Variants in NFIA observed in about 807,000 individuals in gnomAD.
The protein encoded by NFIA is nuclear factor 1 A-type.
A neutral mutation model predicts 62.8 loss-of-function variants in NFIA; 8 were observed. The ratio of observed to expected loss-of-function variants is 0.13; its 90% CI spans 0.07 to 0.23. The LOEUF (loss-of-function observed/expected upper bound fraction) is 0.23. Ranked by LOEUF, NFIA falls within the 10% of genes least tolerant of loss-of-function variation. The probability of loss-of-function intolerance (pLI) is 1.00; values close to 1 mark genes in which losing one functional copy is unlikely to be tolerated. For missense variants in NFIA, 410 were observed against 642.1 expected, an observed-to-expected ratio of 0.64 and a Z score of 3.91; for synonymous variants, 235 against 238.1, an observed-to-expected ratio of 0.99 and a Z score of 0.12.
chr1:61,291,885 A>C (rs952880344), intron 3 of NFIA, among the ~76,000 whole-genome samples: 1 of 151,972 alleles, frequency 6.6e-6, no homozygotes, highest in Admixed American at 6.6e-5. Context: ...ATAGTGTTAC[A>C]TGCATTATGT....
At position 61,146,320 on chromosome 1, in the gene NFIA, T is replaced by TAGGATATAGACATC. The variant is rs559013047; in HGVS notation, c.559+57641_559+57654dup. Among the ~76,000 whole-genome samples, 37 of 152,268 alleles carry TAGGATATAGACATC rather than the reference T, an allele frequency of 2.4e-4. No individual in the cohort carries two copies. The East Asian group carries it at 6.0e-3, about 25-fold the overall frequency. ...TGTTGTATTCATGCATTCTGGACAT[T>TAGGATATAGACATC]AGGATATAGACATCTTGGTGGTTGG... On this transcript the variant is annotated intron_variant, in intron 2 of 10. Coordinates refer to ENST00000403491, the MANE Select transcript of NFIA (RefSeq NM_001134673.4).
rs1377814864 is a variant in NFIA, at chr1:61,387,476, T to TG, written c.1075+4111_1075+4112insG. Among the ~76,000 whole-genome samples, 7 of 129,440 alleles carry TG rather than the reference T, an allele frequency of 5.4e-5. No individual in the cohort carries two copies. In the South Asian group the frequency reaches 8.3e-4, roughly 15 times the overall value. The allele number at this position is 129,440 out of a possible 152,430, so 84.9% of individuals were successfully genotyped here. ...ATCAGCTCAAGCACTTTCTTTTTTT[T>TG]TTTTTTTTTTTTTTTGAGACGGAGT... On this transcript the variant is annotated intron_variant, in intron 7 of 10. Transcript: ENST00000403491.
chr1:61,366,355 A>G (rs940710944), intron 6 of NFIA, among the ~76,000 whole-genome samples: 1 of 152,228 alleles, frequency 6.6e-6, no homozygotes, highest in Non-Finnish European at 1.5e-5. Context: ...AGTGAAGTTC[A>G]GTACTGTGTT....
chr1:61,426,224 A>C (rs1031474766), intron 9 of NFIA, among the ~76,000 whole-genome samples: 6 of 152,198 alleles, frequency 3.9e-5, no homozygotes, highest in African/African-American at 1.4e-4. Context: ...GAAGGAGAAA[A>C]TAGCTCGTCT....
intron 2 of NFIA, among the ~76,000 whole-genome samples, chr1:61,105,182 A>G (rs1350849843): frequency 6.6e-6 from 1 of 152,002 alleles, no homozygotes; most frequent in Non-Finnish European, 1.5e-5. Context: ...GTCAAGGTCA[A>G]TGTGTGGCCA....
intron 9 of NFIA, among the ~76,000 whole-genome samples, chr1:61,413,490 C>T (rs1434645597): frequency 6.6e-6 from 1 of 152,074 alleles, no homozygotes; most frequent in African/African-American, 2.4e-5. Flanking sequence ...CAGGCCTTTC[C>T]ATGCTCTTTC....
At chr1:61,365,368 A>C (rs1192222525) in intron 6 of NFIA, among the ~76,000 whole-genome samples, 2 of 152,168 alleles carry the variant, frequency 1.3e-5, no homozygotes, top group Non-Finnish European at 2.9e-5. Flanking sequence ...AGCCACCTTA[A>C]CTTTAAATGT....
intron 4 of NFIA, among the ~76,000 whole-genome samples, chr1:61,333,925 G>A (rs909138439): frequency 4.6e-5 from 7 of 152,290 alleles, no homozygotes; most frequent in African/African-American, 1.4e-4. Flanking sequence ...GCTCGAACCC[G>A]GAGGGTGGAG....
chr1:61,342,656 GAGA>G (rs1288066110), intron 4 of NFIA, among the ~76,000 whole-genome samples: 1 of 152,184 alleles, frequency 6.6e-6, no homozygotes, highest in Admixed American at 6.5e-5. Flanking sequence ...GCAGAGAGGC[GAGA>G]AGGAGAATGA....
At chr1:61,085,318 A>T (rs1646199766) in intron 1 of NFIA, among the ~76,000 whole-genome samples, 1 of 152,212 alleles carries the variant, frequency 6.6e-6, no homozygotes, top group Admixed American at 6.5e-5. Context: ...TTTTAAAAAA[A>T]GTAGTTTCCA....
At position 61,458,947 on chromosome 1, in the gene NFIA, G is replaced by C. The variant is rs1668421828; in HGVS notation, c.*3627G>C. 1 of 152,122 alleles carries C rather than the reference G, an allele frequency of 6.6e-6. No homozygotes were observed. The highest frequency in any genetic ancestry group is 2.1e-4 in the South Asian group (1 of 4,826). 9.4% of individuals were successfully genotyped at this position (152,122 alleles called of 1,614,324 possible). A position where few individuals can be genotyped will look rare whatever the true frequency, so the allele number is the denominator to read the frequency against. On this transcript the variant is annotated 3_prime_UTR_variant, in exon 11 of 11. Transcript: ENST00000403491. The stretch of plus-strand genomic sequence containing the variant: ...AGGCAGTCTAGGGTGATAACGAACA[G>C]GGGTTAAGTATTAAATACACGAAGT...
intron 2 of NFIA, among the ~76,000 whole-genome samples, chr1:61,211,224 A>G (rs1013578131): frequency 6.6e-6 from 1 of 152,148 alleles, no homozygotes; most frequent in African/African-American, 2.4e-5. Flanking sequence ...CAAAAAACAA[A>G]CAGTACCCAG....
chr1:61,305,449 A>G (rs968949599), intron 3 of NFIA, among the ~76,000 whole-genome samples: 4 of 152,240 alleles, frequency 2.6e-5, no homozygotes, highest in Admixed American at 2.6e-4. Context: ...AGAAAACAAG[A>G]GAAGTATTAG....
intron 7 of NFIA, among the ~76,000 whole-genome samples, chr1:61,402,360 G>C (rs1286867244): frequency 1.3e-5 from 2 of 152,092 alleles, no homozygotes; most frequent in South Asian, 2.1e-4. Flanking sequence ...TTTTCTAAAA[G>C]CTCCCTGGCT....
intron 2 of NFIA, among the ~76,000 whole-genome samples, chr1:61,223,468 C>T (rs2100620440): frequency 6.6e-6 from 1 of 152,096 alleles, no homozygotes; most frequent in African/African-American, 2.4e-5. Context: ...CCTGTACAAA[C>T]TTACAGTTTT....
chr1:61,345,328 A>G (rs1023487499), intron 4 of NFIA, among the ~76,000 whole-genome samples: 2 of 152,032 alleles, frequency 1.3e-5, no homozygotes, highest in African/African-American at 4.8e-5. Flanking sequence ...GTAATTATTC[A>G]CTCTTCTTAA....
rs183126973 is a variant in NFIA at position 61,444,688 on chromosome 1, C to G, written c.1513-10615C>G. On this transcript the variant is annotated intron_variant, in intron 10 of 10. Transcript: ENST00000403491. The stretch of plus-strand genomic sequence containing the variant: ...AAGTATTTCTTAATTGAACTGTCTT[C>G]TAGAATAGCACAAATTGGCATGTCT... 3.1e-3 allele frequency among the ~76,000 whole-genome samples: 472 copies of G among 152,258 alleles called. 1 individual carries two copies. The highest frequency in any genetic ancestry group is 4.8e-3 in the Non-Finnish European group (327 of 68,014).
chr1:61,204,570 T>C (rs1652767661), intron 2 of NFIA, among the ~76,000 whole-genome samples: 1 of 152,212 alleles, frequency 6.6e-6, no homozygotes, highest in African/African-American at 2.4e-5. Context: ...TGTATCTATA[T>C]TCCTTATAAA....
chr1:61,354,296 A>AT (rs1283637025), intron 5 of NFIA, among the ~76,000 whole-genome samples: 4 of 152,332 alleles, frequency 2.6e-5, no homozygotes, highest in African/African-American at 9.6e-5. Flanking sequence ...TCCTAGGATG[A>AT]TTTTTAAAAT....
Sources: allele counts gnomAD v4.1 joint callset (sites outside exome capture counted in the v4.1 genomes callset), GRCh38; gene constraint gnomAD v4.1.1; transcripts MANE v1.5; gene names NCBI Gene and HGNC (gene_info 2026-07-23, HGNC 2026-07-21).